The following PTPRT variants were observed in gnomAD, a reference collection of about 807,000 sequenced individuals.
PTPRT encodes receptor-type tyrosine-protein phosphatase T.
PTPRT carries 56 observed loss-of-function variants against 176.8 expected under a neutral mutation model. That is an observed-to-expected ratio of 0.32 (90% CI 0.26 to 0.40). PTPRT has a LOEUF of 0.40. Ranked by LOEUF, PTPRT falls within the 10% of genes least tolerant of loss-of-function variation. PTPRT has a pLI of 1.00. For missense variants in PTPRT, 1,540 were observed against 1,908.2 expected, an observed-to-expected ratio of 0.81 and a Z score of 3.60; for synonymous variants, 783 against 739.0, an observed-to-expected ratio of 1.06 and a Z score of -0.96.
At chr20:42,271,244 GC>G (rs1487010394) in intron 13 of PTPRT, among the ~76,000 whole-genome samples, 1 of 152,012 alleles carries the variant, frequency 6.6e-6, no homozygotes. Flanking sequence ...ATTATCAACA[GC>G]CCCCCACCTT....
chr20:42,370,836 T>C (rs2058577363), intron 9 of PTPRT, among the ~76,000 whole-genome samples: 1 of 152,150 alleles, frequency 6.6e-6, no homozygotes, highest in Admixed American at 6.5e-5. Context: ...CTGGTTGCTG[T>C]TACTCCCACA....
At chr20:43,074,077 T>C (rs1245939040) in intron 1 of PTPRT, among the ~76,000 whole-genome samples, 1 of 152,076 alleles carries the variant, frequency 6.6e-6, no homozygotes, top group Non-Finnish European at 1.5e-5. Flanking sequence ...TATACAAACA[T>C]ATAGTATCTC....
the PTPRT span, among the ~76,000 whole-genome samples, chr20:42,065,420 G>A: frequency 6.6e-6 from 1 of 152,196 alleles, no homozygotes; most frequent in Non-Finnish European, 1.5e-5. Flanking sequence ...CTGATATCAT[G>A]CATTTTGTAG....
chr20:42,919,084 T>C lies in PTPRT; in HGVS notation c.89-33152A>G, dbSNP rs559736685. 5.9e-5 allele frequency among the ~76,000 whole-genome samples: 9 copies of C among 152,326 alleles called. No individual in the cohort carries two copies. In the South Asian group the frequency reaches 1.9e-3, roughly 32 times the overall value. ...GGCAAATGAAAGCTCATTTCTCTGC[T>C]ACAAAATGAAACACAAAACACTCCT... is the stretch of plus-strand genomic sequence containing the variant. On this transcript the variant is annotated intron_variant, in intron 1 of 30. Transcript: ENST00000373187.
At position 42,274,289 on chromosome 20, in the gene PTPRT, C is replaced by T. The variant is rs117274205; in HGVS notation, c.2176+8200G>A. 4.6e-3 allele frequency among the ~76,000 whole-genome samples: 707 copies of T among 152,288 alleles called. 5 individuals are homozygous for T. Among genetic ancestry groups the T allele is most frequent in the Non-Finnish European group, 7.1e-3 (481 of 68,026 alleles). The stretch of plus-strand genomic sequence containing the variant: ...AGTTGCCACTTCCATGCTTTCTCTT[C>T]CCCTGCTCAGGGGTTCTCTGAGACC... On this transcript the variant is annotated intron_variant, in intron 13 of 30. Coordinates refer to ENST00000373187, the MANE Select transcript of PTPRT (RefSeq NM_007050.6).
chr20:42,802,771 T>C (rs139003243), intron 2 of PTPRT, among the ~76,000 whole-genome samples: 48 of 152,286 alleles, frequency 3.2e-4, no homozygotes, highest in African/African-American at 1.0e-3. Flanking sequence ...CAATGAAAGA[T>C]AAGGGCATGG....
intron 7 of PTPRT, among the ~76,000 whole-genome samples, chr20:42,561,357 G>T (rs1601271497): frequency 6.6e-6 from 1 of 152,324 alleles, no homozygotes; most frequent in Non-Finnish European, 1.5e-5. Context: ...GAAGGCAGCA[G>T]GGAGGTGTGT....
At chr20:42,513,436 T>G (rs1041965782) in intron 7 of PTPRT, among the ~76,000 whole-genome samples, 3 of 152,178 alleles carry the variant, frequency 2.0e-5, no homozygotes, top group African/African-American at 7.2e-5. Context: ...AGAGTAGACA[T>G]TAAGTCCAGA....
intron 6 of PTPRT, among the ~76,000 whole-genome samples, chr20:42,715,731 C>T (rs1360804867): frequency 6.6e-6 from 1 of 152,074 alleles, no homozygotes; most frequent in African/African-American, 2.4e-5. Flanking sequence ...AAGAGAGATA[C>T]CATATTCATG....
At chr20:43,121,679 G>T (rs752939651) in intron 1 of PTPRT, among the ~76,000 whole-genome samples, 1 of 152,042 alleles carries the variant, frequency 6.6e-6, no homozygotes, top group South Asian at 2.1e-4. Flanking sequence ...GACAATTCTT[G>T]ATTTATTCAT....
At chr20:42,484,925 A>G (rs984725783) in intron 7 of PTPRT, among the ~76,000 whole-genome samples, 4 of 152,050 alleles carry the variant, frequency 2.6e-5, no homozygotes, top group African/African-American at 9.7e-5. Flanking sequence ...TCCCAGCTCC[A>G]TCTCAGACCT....
intron 6 of PTPRT, among the ~76,000 whole-genome samples, chr20:42,686,567 T>A (rs1177256957): frequency 7.3e-6 from 1 of 136,396 alleles, no homozygotes. Context: ...CACCGCAGCC[T>A]CCGCCTCCCG....
At chr20:42,959,158 AG>A (rs1322366174) in intron 1 of PTPRT, among the ~76,000 whole-genome samples, 1 of 152,160 alleles carries the variant, frequency 6.6e-6, no homozygotes, top group African/African-American at 2.4e-5. Flanking sequence ...GTCTTTGGAC[AG>A]GTTAAGTTTT....
chr20:42,605,637 G>A (rs1242561480), intron 7 of PTPRT, among the ~76,000 whole-genome samples: 1 of 152,142 alleles, frequency 6.6e-6, no homozygotes, highest in Non-Finnish European at 1.5e-5. Flanking sequence ...TGATTTAAGT[G>A]GTTGTGGCTT....
intron 12 of PTPRT, among the ~76,000 whole-genome samples, chr20:42,308,688 G>A (rs1037727668): frequency 4.6e-5 from 7 of 152,142 alleles, no homozygotes; most frequent in Non-Finnish European, 8.8e-5. Context: ...TAAGTAAACT[G>A]TTCAAGTTCA....
intron 9 of PTPRT, among the ~76,000 whole-genome samples, chr20:42,371,503 A>C (rs2058586447): frequency 6.7e-6 from 1 of 148,202 alleles, no homozygotes; most frequent in Non-Finnish European, 1.5e-5. Context: ...TTATCTGATT[A>C]ATATTTTCCA....
intron 6 of PTPRT, among the ~76,000 whole-genome samples, chr20:42,745,265 C>CA (rs1212557871): frequency 6.6e-6 from 1 of 152,214 alleles, no homozygotes; most frequent in Non-Finnish European, 1.5e-5. Context: ...GCCAGAGGCC[C>CA]ACAGAGGAAG....
chr20:42,722,649 G>A (rs1162266947), intron 6 of PTPRT, among the ~76,000 whole-genome samples: 1 of 152,186 alleles, frequency 6.6e-6, no homozygotes, highest in Non-Finnish European at 1.5e-5. Flanking sequence ...TTCATCTACA[G>A]CAGCAGCATC....
intron 7 of PTPRT, among the ~76,000 whole-genome samples, chr20:42,575,082 A>T (rs1332294547): frequency 3.3e-5 from 5 of 152,202 alleles, no homozygotes; most frequent in African/African-American, 2.4e-5. Context: ...ATGGTCTAAT[A>T]CACAGGGAAA....
Sources: allele counts gnomAD v4.1 joint callset (sites outside exome capture counted in the v4.1 genomes callset), GRCh38; gene constraint gnomAD v4.1.1; transcripts MANE v1.5; gene names NCBI Gene and HGNC (gene_info 2026-07-23, HGNC 2026-07-21).